The following CTNNA3 variants were observed in gnomAD, a reference collection of about 807,000 sequenced individuals.
CTNNA3 encodes the protein catenin alpha 3, also known as catenin alpha-3.
A neutral mutation model predicts 95.7 loss-of-function variants in CTNNA3; 76 were observed. The observed-to-expected ratio is 0.79, with a 90% confidence interval of 0.66 to 0.96. The LOEUF is 0.96. Ranked by LOEUF, CTNNA3 falls within the 40% of genes least tolerant of loss-of-function variation. The probability of loss-of-function intolerance (pLI) is 0.00; values close to 1 mark genes in which losing one functional copy is unlikely to be tolerated. For missense variants in CTNNA3, 1,191 were observed against 1,089.8 expected, an observed-to-expected ratio of 1.09 and a Z score of -1.31; for synonymous variants, 431 against 374.4, an observed-to-expected ratio of 1.15 and a Z score of -1.74.
rs996210576 is a variant in CTNNA3 at position 67,558,828 on chromosome 10, A to T, written c.293-19159T>A. Among the ~76,000 whole-genome samples, 9 of 152,318 alleles carry T rather than the reference A, an allele frequency of 5.9e-5. No individual in the cohort carries two copies. In the South Asian group the frequency reaches 1.9e-3, roughly 32 times the overall value. On this transcript the variant is annotated intron_variant, in intron 3 of 17. Transcript: ENST00000433211. ...CGGGCTTAAAAAATGGCACGCCAGG[A>T]GATTATATCCCGCACATGGCTCGGA...
intron 9 of CTNNA3, among the ~76,000 whole-genome samples, chr10:66,651,505 G>A (rs2132414167): frequency 6.6e-6 from 1 of 152,206 alleles, no homozygotes; most frequent in East Asian, 1.9e-4. Flanking sequence ...GGGCGCCGCA[G>A]AGAAGGGGGC....
At chr10:66,149,680 G>T (rs2084087597) in intron 13 of CTNNA3, among the ~76,000 whole-genome samples, 1 of 151,638 alleles carries the variant, frequency 6.6e-6, no homozygotes, top group African/African-American at 2.4e-5. Flanking sequence ...ATTTAGAATG[G>T]TAGCATTCTT....
At chr10:66,339,585 T>C (rs72802848) in intron 12 of CTNNA3, among the ~76,000 whole-genome samples, 9,262 of 151,860 alleles carry the variant, frequency 0.061, 449 homozygotes, top group East Asian at 0.1. Context: ...TTAATTCTTA[T>C]GTCCTACTTG....
rs564549804 is a variant in CTNNA3 at position 67,606,411 on chromosome 10, C to T, written c.292+446G>A. Among the ~76,000 whole-genome samples, 78 of 152,284 alleles carry T rather than the reference C, an allele frequency of 5.1e-4. 1 individual carries two copies. Among genetic ancestry groups the T allele is most frequent in the African/African-American group, 1.6e-3 (68 of 41,572 alleles). Reference sequence around the variant, plus strand: ...GCATTTTTTGAAAAGTTTAGGAAGTCTAAACCTCCAGAAATTTGCAAGGTT... The same window carrying T: ...GCATTTTTTGAAAAGTTTAGGAAGTTTAAACCTCCAGAAATTTGCAAGGTT... On this transcript the variant is annotated intron_variant, in intron 3 of 17. Coordinates refer to ENST00000433211, the MANE Select transcript of CTNNA3 (RefSeq NM_013266.4).
chr10:67,335,858 C>T (rs1202115197), intron 5 of CTNNA3, among the ~76,000 whole-genome samples: 1 of 151,454 alleles, frequency 6.6e-6, no homozygotes, highest in African/African-American at 2.4e-5. Context: ...TTTTATTGTG[C>T]CTCACTTTAT....
intron 7 of CTNNA3, among the ~76,000 whole-genome samples, chr10:67,105,952 A>G (rs974326342): frequency 5.9e-4 from 90 of 152,324 alleles, no homozygotes; most frequent in African/African-American, 2.1e-3. Flanking sequence ...TGTATTGGAC[A>G]TCCTTCAAAA....
rs185075560 is a variant in CTNNA3 at position 67,139,393 on chromosome 10, C to T, written c.1047+40924G>A. On this transcript the variant is annotated intron_variant, in intron 7 of 17. Transcript: ENST00000433211. ...CGCTTTCCTGACCTCATGATCCGCT[C>T]GCCTCAGCCTCCCAAAGTGCTGGGA... 1.1e-3 allele frequency among the ~76,000 whole-genome samples: 168 copies of T among 150,560 alleles called. 1 individual carries two copies. The highest frequency in any genetic ancestry group is 3.9e-3 in the African/African-American group (161 of 40,824).
intron 13 of CTNNA3, among the ~76,000 whole-genome samples, chr10:66,187,372 G>A (rs2086401285): frequency 6.6e-6 from 1 of 150,634 alleles, no homozygotes; most frequent in Admixed American, 6.7e-5. Flanking sequence ...TTATTCATAG[G>A]TGGATTAGAA....
intron 1 of CTNNA3, among the ~76,000 whole-genome samples, chr10:67,652,708 T>G (rs772986710): frequency 6.2e-5 from 8 of 129,622 alleles, no homozygotes; most frequent in Non-Finnish European, 9.1e-5. Context: ...TTATAACATT[T>G]TTGTTTTTCT....
chr10:66,660,104 G>A (rs973302084), intron 9 of CTNNA3, among the ~76,000 whole-genome samples: 2 of 152,042 alleles, frequency 1.3e-5, no homozygotes, highest in South Asian at 2.1e-4. Context: ...TTACAAGCAT[G>A]AGCCACTGTG....
At chr10:66,523,762 G>A (rs1001792116) in intron 10 of CTNNA3, among the ~76,000 whole-genome samples, 2 of 152,032 alleles carry the variant, frequency 1.3e-5, no homozygotes, top group African/African-American at 4.8e-5. Context: ...TAGTAGCCTT[G>A]TAGGTTTCTA....
intron 7 of CTNNA3, among the ~76,000 whole-genome samples, chr10:67,011,180 T>C (rs1422985312): frequency 6.6e-6 from 1 of 151,534 alleles, no homozygotes. Context: ...ATACAAAAAA[T>C]AAATAAATAA....
At chr10:66,943,903 TA>T in intron 7 of CTNNA3, among the ~76,000 whole-genome samples, 1 of 152,356 alleles carries the variant, frequency 6.6e-6, no homozygotes, top group South Asian at 2.1e-4. Context: ...ACTTTATTGC[TA>T]AAAAGTGCTC....
At chr10:67,552,392 T>A (rs1398233866) in intron 3 of CTNNA3, among the ~76,000 whole-genome samples, 3 of 152,164 alleles carry the variant, frequency 2.0e-5, no homozygotes, top group Non-Finnish European at 4.4e-5. Context: ...CAGGGGTACA[T>A]GTGCAGGATG....
intron 7 of CTNNA3, among the ~76,000 whole-genome samples, chr10:66,887,940 C>T (rs1212257201): frequency 6.6e-6 from 1 of 152,124 alleles, no homozygotes; most frequent in East Asian, 1.9e-4. Context: ...TCCAGAGATG[C>T]TCATGTCTGC....
chr10:67,690,034 GA>G (rs942516981), intron 1 of CTNNA3, among the ~76,000 whole-genome samples: 2 of 152,180 alleles, frequency 1.3e-5, no homozygotes, highest in Admixed American at 6.5e-5. Context: ...TGAAGCCGCA[GA>G]CCCCACGGTG....
chr10:66,890,069 G>T (rs758391530), intron 7 of CTNNA3, among the ~76,000 whole-genome samples: 4 of 152,154 alleles, frequency 2.6e-5, no homozygotes, highest in Non-Finnish European at 4.4e-5. Flanking sequence ...GGGATTACAG[G>T]CATGAGCCAC....
intron 7 of CTNNA3, among the ~76,000 whole-genome samples, chr10:67,178,373 A>G (rs1264019841): frequency 1.3e-5 from 2 of 152,002 alleles, no homozygotes; most frequent in African/African-American, 4.8e-5. Flanking sequence ...GTACCTCTTT[A>G]TATAGTCACT....
At chr10:66,081,682 A>C (rs1189192905) in intron 14 of CTNNA3, among the ~76,000 whole-genome samples, 1 of 152,240 alleles carries the variant, frequency 6.6e-6, no homozygotes. Context: ...ACTCCAACTA[A>C]TAAATATAGA....
Sources: gnomAD v4.1 joint callset for allele counts (sites outside exome capture counted in the v4.1 genomes callset) on GRCh38, gnomAD v4.1.1 for gene constraint, MANE v1.5 for transcripts, NCBI Gene and HGNC (gene_info 2026-07-23, HGNC 2026-07-21) for gene names.